GPM6A: variants seen among roughly 807,000 people sequenced by gnomAD.
GPM6A encodes the protein glycoprotein M6A, also known as neuronal membrane glycoprotein M6-a.
Under a neutral mutation model 32.1 loss-of-function variants are expected in GPM6A, and 7 were observed. The ratio of observed to expected loss-of-function variants is 0.22; its 90% CI spans 0.12 to 0.41. GPM6A has a LOEUF of 0.41. Ranked by LOEUF, GPM6A falls within the 10% of genes least tolerant of loss-of-function variation. The probability of loss-of-function intolerance (pLI) is 1.00; values close to 1 mark genes in which losing one functional copy is unlikely to be tolerated. For missense variants in GPM6A, 235 were observed against 347.2 expected (o/e 0.68, Z 2.57); for synonymous variants, 130 against 123.4 (o/e 1.05, Z -0.35).
intron 1 of GPM6A, among the ~76,000 whole-genome samples, chr4:175,832,455 T>A (rs1385439234): frequency 1.3e-5 from 2 of 152,188 alleles, no homozygotes; most frequent in Non-Finnish European, 2.9e-5. Context: ...ATATTCAAAG[T>A]TCCTGATATA....
intron 1 of GPM6A, among the ~76,000 whole-genome samples, chr4:175,903,001 A>C (rs1038657014): frequency 2.6e-5 from 4 of 152,140 alleles, no homozygotes; most frequent in African/African-American, 9.7e-5. Flanking sequence ...GAGAGAGCTG[A>C]GAAGCAACAA....
chr4:175,909,404 T>C (rs894159806), intron 1 of GPM6A, among the ~76,000 whole-genome samples: 1 of 152,148 alleles, frequency 6.6e-6, no homozygotes, highest in African/African-American at 2.4e-5. Flanking sequence ...GGTAGAGAAA[T>C]GCCAGTGTAA....
intron 1 of GPM6A, among the ~76,000 whole-genome samples, chr4:175,817,399 T>C (rs930520423): frequency 3.3e-5 from 5 of 152,188 alleles, no homozygotes; most frequent in African/African-American, 1.2e-4. Context: ...GAAGACAAAT[T>C]CCTGCCCTAA....
chr4:175,936,323 A>AAAAAAAAC (rs1475269010), intron 1 of GPM6A, among the ~76,000 whole-genome samples: 7 of 149,956 alleles, frequency 4.7e-5, no homozygotes, highest in Non-Finnish European at 4.5e-5. Flanking sequence ...AAAAAAAAAA[A>AAAAAAAAC]AAAAAAAAAA....
chr4:175,964,925 C>T (rs1483451304), intron 1 of GPM6A, among the ~76,000 whole-genome samples: 2 of 152,162 alleles, frequency 1.3e-5, no homozygotes, highest in African/African-American at 4.8e-5. Flanking sequence ...TAGCAATATA[C>T]CTGAGGCAAA....
intron 1 of GPM6A, among the ~76,000 whole-genome samples, chr4:175,899,890 G>A (rs187373569): frequency 6.6e-6 from 1 of 152,022 alleles, no homozygotes; most frequent in Non-Finnish European, 1.5e-5. Context: ...AAGTTAAAAA[G>A]CTTCTGCACA....
intron 1 of GPM6A, among the ~76,000 whole-genome samples, chr4:175,859,766 C>A (rs543114096): frequency 4.6e-5 from 7 of 152,106 alleles, no homozygotes; most frequent in Admixed American, 3.9e-4. Context: ...TATCCTATAT[C>A]ATGAAACTTC....
chr4:175,725,422 G>C (rs1252906467), intron 1 of GPM6A, among the ~76,000 whole-genome samples: 2 of 151,654 alleles, frequency 1.3e-5, no homozygotes, highest in East Asian at 1.9e-4. Context: ...CTCCCAAGTA[G>C]CTGGGAGTAG....
At chr4:175,998,420 T>A (rs1177103649) in intron 1 of GPM6A, among the ~76,000 whole-genome samples, 1 of 152,108 alleles carries the variant, frequency 6.6e-6, no homozygotes, top group Admixed American at 6.5e-5. Context: ...CCTCTCAAAG[T>A]GCTGAGATTA....
At chr4:175,943,895 A>C (rs1030186235) in intron 1 of GPM6A, among the ~76,000 whole-genome samples, 6 of 152,172 alleles carry the variant, frequency 3.9e-5, no homozygotes, top group Non-Finnish European at 8.8e-5. Context: ...CCGGCCTCAT[A>C]AAATGAGTTA....
At chr4:175,790,603 T>A (rs1427716527) in intron 1 of GPM6A, among the ~76,000 whole-genome samples, 1 of 152,238 alleles carries the variant, frequency 6.6e-6, no homozygotes, top group African/African-American at 2.4e-5. Flanking sequence ...GTACATGATA[T>A]AAGGATACCA....
At chr4:175,747,095 C>G (rs1013189232) in intron 1 of GPM6A, among the ~76,000 whole-genome samples, 3 of 151,902 alleles carry the variant, frequency 2.0e-5, no homozygotes, top group Admixed American at 2.0e-4. Context: ...CATGGTGTAA[C>G]CCTGTCTCTA....
intron 2 of GPM6A, among the ~76,000 whole-genome samples, chr4:175,676,465 T>C (rs1743371549): frequency 6.6e-6 from 1 of 152,186 alleles, no homozygotes; most frequent in South Asian, 2.1e-4. Flanking sequence ...AAAAACTGAA[T>C]TGGGTGGGGG....
chr4:175,803,574 T>A (rs941874626), intron 1 of GPM6A, among the ~76,000 whole-genome samples: 1 of 152,130 alleles, frequency 6.6e-6, no homozygotes, highest in African/African-American at 2.4e-5. Flanking sequence ...TAGTCTTTAT[T>A]ACATCTAACT....
chr4:175,716,377 C>T (rs929017744), intron 1 of GPM6A, among the ~76,000 whole-genome samples: 1 of 152,104 alleles, frequency 6.6e-6, no homozygotes, highest in African/African-American at 2.4e-5. Flanking sequence ...AAAAGTGAGC[C>T]TATTTTTCTT....
chr4:175,651,159 C>A (rs1741779937), intron 4 of GPM6A, among the ~76,000 whole-genome samples: 1 of 152,144 alleles, frequency 6.6e-6, no homozygotes, highest in Admixed American at 6.6e-5. Flanking sequence ...AACAACCCCA[C>A]TGTGCCTCAG....
At chr4:175,927,615 T>C (rs1738886996) in intron 1 of GPM6A, among the ~76,000 whole-genome samples, 3 of 152,254 alleles carry the variant, frequency 2.0e-5, no homozygotes, top group Admixed American at 2.0e-4. Flanking sequence ...CCAGGCACGG[T>C]GGCTCACGCC....
At chr4:175,847,832 C>T (rs939383745) in intron 1 of GPM6A, among the ~76,000 whole-genome samples, 15 of 152,098 alleles carry the variant, frequency 9.9e-5, no homozygotes, top group African/African-American at 3.1e-4. Flanking sequence ...AGCTGTAGCA[C>T]GTGATAAGTG....
intron 1 of GPM6A, among the ~76,000 whole-genome samples, chr4:175,960,437 T>G (rs1190542091): frequency 6.6e-6 from 1 of 152,176 alleles, no homozygotes; most frequent in Non-Finnish European, 1.5e-5. Context: ...ACATTTGTAT[T>G]TTATTTTATT....
Sources: allele counts gnomAD v4.1 joint callset (sites outside exome capture counted in the v4.1 genomes callset), GRCh38; gene constraint gnomAD v4.1.1; transcripts MANE v1.5; gene names NCBI Gene and HGNC (gene_info 2026-07-23, HGNC 2026-07-21).